Variants in HDAC4 observed in about 807,000 individuals in gnomAD.
The protein encoded by HDAC4 is histone deacetylase 4, also known as histone deacetylase A.
HDAC4 carries 16 observed loss-of-function variants against 135.1 expected under a neutral mutation model. The ratio of observed to expected loss-of-function variants is 0.12; its 90% CI spans 0.08 to 0.18. The LOEUF is 0.18. Ranked by LOEUF, HDAC4 falls within the 10% of genes least tolerant of loss-of-function variation. The pLI, the probability that HDAC4 is intolerant of heterozygous loss-of-function variation, is 1.00. For synonymous variants in HDAC4, 685 were observed against 653.4 expected, an observed-to-expected ratio of 1.05 and a Z score of -0.74; for missense variants, 1,143 against 1,511.8, an observed-to-expected ratio of 0.76 and a Z score of 4.05.
At chr2:239,348,461 G>A (rs890797786) in intron 2 of HDAC4, among the ~76,000 whole-genome samples, 1 of 152,232 alleles carries the variant, frequency 6.6e-6, no homozygotes, top group Non-Finnish European at 1.5e-5. Context: ...GGCCAGTCAA[G>A]TCACCAGTAT....
At chr2:239,195,492 C>G (rs1243128176) in intron 3 of HDAC4, among the ~76,000 whole-genome samples, 2 of 152,236 alleles carry the variant, frequency 1.3e-5, no homozygotes, top group Non-Finnish European at 2.9e-5. Context: ...GCCCCACACA[C>G]CAGCTGCAGA....
intron 1 of HDAC4, among the ~76,000 whole-genome samples, chr2:239,358,901 G>T (rs150943019): frequency 1.8e-3 from 275 of 152,210 alleles, no homozygotes; most frequent in Middle Eastern, 3.4e-3. Flanking sequence ...CAGCCTTACC[G>T]TATCCAGGTA....
In HDAC4 at chr2:239,140,339, G is replaced by A. The variant is rs377616844; in HGVS notation, c.866-543C>T. Among the ~76,000 whole-genome samples, 19 of 152,260 alleles carry A rather than the reference G, an allele frequency of 1.2e-4. No homozygotes were observed. The South Asian group carries it at 3.5e-3, about 28-fold the overall frequency. On this transcript the variant is annotated intron_variant, in intron 8 of 26. Transcript: ENST00000543185. The stretch of plus-strand genomic sequence containing the variant: ...GAAAACACACGCTCGGACAGTCTTA[G>A]AGGATCTTTAACCATCGGTGCGGCT...
chr2:239,372,665 A>C (rs898127891), intron 1 of HDAC4, among the ~76,000 whole-genome samples: 1 of 152,216 alleles, frequency 6.6e-6, no homozygotes, highest in Non-Finnish European at 1.5e-5. Context: ...GTTTATACAC[A>C]GCGACAGAAC....
rs763102757 is a variant in HDAC4, at chr2:239,134,684, G to A, written c.979-41C>T. On this transcript the variant is annotated intron_variant, in intron 9 of 26. Coordinates refer to ENST00000543185, the MANE Select transcript of HDAC4 (RefSeq NM_001378414.1). ...ACGATGACCATCACAGTCTGTCACG[G>A]CCAAACATCAGCAATATACACCAAG... 1.9e-5 allele frequency: 27 copies of A among 1,453,092 alleles called. 1 individual carries two copies. In the South Asian group the frequency reaches 3.0e-4, roughly 16 times the overall value. The allele number at this position is 1,453,092 out of a possible 1,614,324, so 90.0% of individuals were successfully genotyped here.
At position 239,062,913 on chromosome 2, in the gene HDAC4, C is replaced by T. The variant is rs13417460; in HGVS notation, c.3003+3809G>A. On this transcript the variant is annotated intron_variant, in intron 24 of 26. Coordinates refer to ENST00000543185, the MANE Select transcript of HDAC4 (RefSeq NM_001378414.1). ...TGCAGCCACTGCCCATGTCCCCTCT[C>T]GGCACCCCTCTGGCTGGCGCAGGCC... Among the ~76,000 whole-genome samples the T allele has an allele frequency of 4.1e-3, 631 of 152,274 alleles. 6 individuals are homozygous for T. The highest frequency in any genetic ancestry group is 0.013 in the African/African-American group (559 of 41,576).
rs1338092919 is a variant in HDAC4 at position 239,307,619 on chromosome 2, A to T, written c.22+45059T>A. Reference sequence around the variant, plus strand: ...CCAGGGACCCTAAACTTGGTTTTCCAAATAGCCAAACGACAACTCCTGCTC... The same window carrying T: ...CCAGGGACCCTAAACTTGGTTTTCCTAATAGCCAAACGACAACTCCTGCTC... On this transcript the variant is annotated intron_variant, in intron 2 of 26. Coordinates refer to ENST00000543185, the MANE Select transcript of HDAC4 (RefSeq NM_001378414.1). The surrounding 1 kb of genome is among the most constrained non-coding windows in gnomAD (Gnocchi z 4.8). Among the ~76,000 whole-genome samples, 1 of 152,166 alleles carries T rather than the reference A, an allele frequency of 6.6e-6. No homozygotes were observed. The highest frequency in any genetic ancestry group is 1.5e-5 in the Non-Finnish European group (1 of 68,030).
At chr2:239,118,185 CG>C (rs1164502328) in intron 12 of HDAC4, among the ~76,000 whole-genome samples, 1 of 152,062 alleles carries the variant, frequency 6.6e-6, no homozygotes, top group Admixed American at 6.6e-5. Flanking sequence ...TCAGATTGGG[CG>C]GGGGGTTTGT....
rs149056998 is a variant in HDAC4, at chr2:239,110,936, G to A, written c.1978+590C>T. Reference sequence around the variant, plus strand: ...TCCTGCCTCCTCAGCCGTGGTGGACGCCTTACTTGCCTCCTTCTTGTGAGG... The same window carrying A: ...TCCTGCCTCCTCAGCCGTGGTGGACACCTTACTTGCCTCCTTCTTGTGAGG... On this transcript the variant is annotated intron_variant, in intron 14 of 26. Coordinates refer to ENST00000543185, the MANE Select transcript of HDAC4 (RefSeq NM_001378414.1). 7.9e-5 allele frequency among the ~76,000 whole-genome samples: 12 copies of A among 152,312 alleles called. No homozygotes were observed. The East Asian group carries it at 9.7e-4, about 12-fold the overall frequency.
At chr2:239,247,529 C>A (rs1298121038) in intron 2 of HDAC4, among the ~76,000 whole-genome samples, 1 of 152,220 alleles carries the variant, frequency 6.6e-6, no homozygotes, top group Admixed American at 6.5e-5. Flanking sequence ...GGCCCGTGCC[C>A]TCCACGCCAG....
At chr2:239,096,370 AC>A (rs557023386) in intron 16 of HDAC4, among the ~76,000 whole-genome samples, 33 of 80,588 alleles carry the variant, frequency 4.1e-4, no homozygotes, top group South Asian at 1.6e-3. Flanking sequence ...GATGCCTGCA[AC>A]CCCCCCCGAC....
chr2:239,395,389 C>A (rs1450730370), intron 1 of HDAC4, among the ~76,000 whole-genome samples: 1 of 152,216 alleles, frequency 6.6e-6, no homozygotes, highest in Non-Finnish European at 1.5e-5. Context: ...CCCGCTCAGA[C>A]CCCGAGGGTC....
At chr2:239,263,127 G>C (rs1199472286) in intron 2 of HDAC4, among the ~76,000 whole-genome samples, 1 of 152,180 alleles carries the variant, frequency 6.6e-6, no homozygotes, top group Non-Finnish European at 1.5e-5. Context: ...ATTACTGCTA[G>C]AAAATATGAA....
Position 239,153,654 on chromosome 2 carries a change from G to A in HDAC4, c.733+2998C>T, listed in dbSNP as rs750331080. 1.4e-3 allele frequency among the ~76,000 whole-genome samples: 218 copies of A among 152,338 alleles called. 1 individual carries two copies. The highest frequency in any genetic ancestry group is 0.01 in the Middle Eastern group (3 of 294). On this transcript the variant is annotated intron_variant, in intron 7 of 26. Coordinates refer to ENST00000543185, the MANE Select transcript of HDAC4 (RefSeq NM_001378414.1). The stretch of plus-strand genomic sequence containing the variant: ...GATAATGCAATCAAATCTTAATTAA[G>A]TTCTTCTGGAGCACTATGTATTCTA...
intron 1 of HDAC4, among the ~76,000 whole-genome samples, chr2:239,357,730 T>TA (rs985656718): frequency 5.4e-5 from 8 of 147,274 alleles, no homozygotes; most frequent in South Asian, 2.2e-4. Context: ...CAAAAAATAA[T>TA]AAAAAAAAAT....
intron 22 of HDAC4, among the ~76,000 whole-genome samples, chr2:239,070,757 G>A (rs1302134414): frequency 6.6e-6 from 1 of 152,068 alleles, no homozygotes; most frequent in East Asian, 1.9e-4. Context: ...TTTAAAAAGG[G>A]GCTTCAAAAA....
At chr2:239,344,534 C>CA (rs201251277) in intron 2 of HDAC4, among the ~76,000 whole-genome samples, 5 of 146,858 alleles carry the variant, frequency 3.4e-5, no homozygotes, top group South Asian at 2.1e-4. Context: ...ATTTGAGGAT[C>CA]AAAAAAAAAA....
chr2:239,188,639 A>C (rs745322600), intron 4 of HDAC4, among the ~76,000 whole-genome samples: 151 of 152,338 alleles, frequency 9.9e-4, no homozygotes, highest in Non-Finnish European at 1.4e-3. Flanking sequence ...GGCTGGCCTG[A>C]ATGGAGACAT....
Position 239,303,375 on chromosome 2 carries a change from G to C in HDAC4, c.22+49303C>G, listed in dbSNP as rs1194369085. On this transcript the variant is annotated intron_variant, in intron 2 of 26. Transcript: ENST00000543185. The surrounding 1 kb of genome is among the most constrained non-coding windows in gnomAD (Gnocchi z 5.1). ...CTGCCATCAAGACCCGCCGTCTGGT[G>C]TGAAGGGAAACGTCCCTCACCCTTC... is the stretch of plus-strand genomic sequence containing the variant. 1.3e-5 allele frequency among the ~76,000 whole-genome samples: 2 copies of C among 152,220 alleles called. No homozygotes were observed. Among genetic ancestry groups the C allele is most frequent in the African/African-American group, 4.8e-5 (2 of 41,470 alleles).
Sources: allele counts gnomAD v4.1 joint callset (sites outside exome capture counted in the v4.1 genomes callset), GRCh38; gene constraint gnomAD v4.1.1; non-coding constraint Gnocchi (gnomAD v3.1); transcripts MANE v1.5; gene names NCBI Gene and HGNC (gene_info 2026-07-23, HGNC 2026-07-21).